The following CMSS1 variants were observed in gnomAD, a reference collection of about 807,000 sequenced individuals.
CMSS1 encodes the protein protein CMSS1.
CMSS1 carries 33 observed loss-of-function variants against 43.5 expected under a neutral mutation model. The observed-to-expected ratio is 0.76, with a 90% confidence interval of 0.57 to 1.01. CMSS1 has a LOEUF of 1.01. Ranked by LOEUF, CMSS1 falls within the 50% of genes least tolerant of loss-of-function variation. The pLI is 0.00. For missense variants in CMSS1, 313 were observed against 326.4 expected (o/e 0.96, Z 0.32); for synonymous variants, 115 against 117.2 (o/e 0.98, Z 0.12).
intron 1 of CMSS1, among the ~76,000 whole-genome samples, chr3:99,891,846 G>T (rs1449123781): frequency 6.6e-6 from 1 of 152,050 alleles, no homozygotes; most frequent in Admixed American, 6.5e-5. Context: ...TCCAAGATAA[G>T]GTCCAACTAT....
At chr3:99,974,566 G>A (rs13074023) in intron 1 of CMSS1, among the ~76,000 whole-genome samples, 10 of 152,172 alleles carry the variant, frequency 6.6e-5, no homozygotes, top group East Asian at 3.9e-4. Context: ...AAAATTAGCC[G>A]GGTGGTGGTG....
intron 1 of CMSS1, among the ~76,000 whole-genome samples, chr3:99,997,853 T>C (rs2107153816): frequency 6.6e-6 from 1 of 152,362 alleles, no homozygotes; most frequent in South Asian, 2.1e-4. Context: ...ATGCTCTTAT[T>C]ACACAAACCT....
At chr3:99,983,389 A>AATAAATATATATATATAT (rs1302972402) in intron 1 of CMSS1, among the ~76,000 whole-genome samples, 1 of 40,784 alleles carries the variant, frequency 2.5e-5, no homozygotes, top group African/African-American at 1.0e-4. Context: ...TAAATAAATA[A>AATAAATATATATATATAT]ATATATATAT....
chr3:99,881,695 G>A (rs1410677978), intron 1 of CMSS1, among the ~76,000 whole-genome samples: 1 of 152,098 alleles, frequency 6.6e-6, no homozygotes. Context: ...ACCACGCCTG[G>A]CTAATTTTTG....
At chr3:100,027,069 C>T (rs1262214710) in intron 1 of CMSS1, among the ~76,000 whole-genome samples, 3 of 152,122 alleles carry the variant, frequency 2.0e-5, no homozygotes, top group Non-Finnish European at 4.4e-5. Context: ...CCCCTGCATC[C>T]CTTTGCTTAA....
At chr3:99,897,394 T>C (rs1173280357) in intron 1 of CMSS1, among the ~76,000 whole-genome samples, 1 of 152,024 alleles carries the variant, frequency 6.6e-6, no homozygotes, top group African/African-American at 2.4e-5. Context: ...TTGGCTTACT[T>C]GTTCTATACC....
At chr3:100,014,891 C>CTTTTTTTTTT (rs1710284139) in intron 1 of CMSS1, among the ~76,000 whole-genome samples, 1 of 27,228 alleles carries the variant, frequency 3.7e-5, no homozygotes, top group Non-Finnish European at 6.9e-5. Flanking sequence ...TTTTTTCTTT[C>CTTTTTTTTTT]TTTCTTTTTT....
At chr3:100,042,228 G>A (rs2065216951) in intron 1 of CMSS1, among the ~76,000 whole-genome samples, 1 of 152,174 alleles carries the variant, frequency 6.6e-6, no homozygotes, top group Non-Finnish European at 1.5e-5. Flanking sequence ...CCACAAGCTT[G>A]TAAGATTCCT....
intron 1 of CMSS1, among the ~76,000 whole-genome samples, chr3:99,926,080 A>G (rs1418049668): frequency 2.0e-5 from 3 of 152,238 alleles, no homozygotes; most frequent in African/African-American, 7.2e-5. Flanking sequence ...GTCATAAAAG[A>G]TTTAGAATGT....
intron 1 of CMSS1, among the ~76,000 whole-genome samples, chr3:99,903,400 T>TGA (rs1706504715): frequency 6.6e-6 from 1 of 151,764 alleles, no homozygotes; most frequent in Admixed American, 6.6e-5. Flanking sequence ...TACAGGCGCC[T>TGA]GCCACCACAC....
rs556823181 is a variant in CMSS1, at chr3:100,015,918, T to G, written c.65-131055T>G. 2.0e-5 allele frequency among the ~76,000 whole-genome samples: 3 copies of G among 152,234 alleles called. No homozygotes were observed. The South Asian group carries it at 6.2e-4, about 32-fold the overall frequency. ...AAATTGTTGCTCAAAAATTGTTTTTTTAAAAACCTGATCCATGCTAATCAA... is the reference window on the plus strand; with the variant it reads ...AAATTGTTGCTCAAAAATTGTTTTTGTAAAAACCTGATCCATGCTAATCAA... On this transcript the variant is annotated intron_variant, in intron 1 of 9. Coordinates refer to ENST00000421999, the MANE Select transcript of CMSS1 (RefSeq NM_032359.4).
At chr3:99,944,630 A>G (rs138953621) in intron 1 of CMSS1, among the ~76,000 whole-genome samples, 1 of 152,364 alleles carries the variant, frequency 6.6e-6, no homozygotes, top group African/African-American at 2.4e-5. Context: ...AATCTGCCCC[A>G]AGCCACAGAA....
chr3:100,074,797 G>A (rs1002558079), intron 1 of CMSS1, among the ~76,000 whole-genome samples: 8 of 144,312 alleles, frequency 5.5e-5, no homozygotes, highest in East Asian at 2.1e-4. Flanking sequence ...GGGTTCAAGC[G>A]ATTCTCTTAC....
chr3:99,959,836 A>C (rs575021112), intron 1 of CMSS1, among the ~76,000 whole-genome samples: 28 of 152,290 alleles, frequency 1.8e-4, no homozygotes, highest in Non-Finnish European at 2.8e-4. Flanking sequence ...CCCAACAGTA[A>C]GATTATGAGC....
intron 1 of CMSS1, among the ~76,000 whole-genome samples, chr3:100,083,711 A>T (rs2065965181): frequency 1.3e-5 from 2 of 152,082 alleles, no homozygotes; most frequent in Admixed American, 6.5e-5. Context: ...TCAACTTCAT[A>T]AAAAAAATTT....
At chr3:100,115,803 A>G (rs1246504654) in intron 1 of CMSS1, among the ~76,000 whole-genome samples, 3 of 152,202 alleles carry the variant, frequency 2.0e-5, no homozygotes. Flanking sequence ...TCTAATCCAT[A>G]GATCCCATTC....
Position 100,158,608 on chromosome 3 carries a change from C to A in CMSS1, c.154-1822C>A, listed in dbSNP as rs527659087. Among the ~76,000 whole-genome samples, 7 of 152,304 alleles carry A rather than the reference C, an allele frequency of 4.6e-5. No homozygotes were observed. In the East Asian group the frequency reaches 1.2e-3, roughly 25 times the overall value. On this transcript the variant is annotated intron_variant, in intron 2 of 9. Transcript: ENST00000421999. Reference sequence around the variant, plus strand: ...CACAGCCAGCTAAAGTAACTAGTCTCCAAAACCAAAGATTATTTTGCATTT... The same window carrying A: ...CACAGCCAGCTAAAGTAACTAGTCTACAAAACCAAAGATTATTTTGCATTT...
At chr3:99,995,010 C>T (rs1462323812) in intron 1 of CMSS1, among the ~76,000 whole-genome samples, 3 of 152,132 alleles carry the variant, frequency 2.0e-5, no homozygotes, top group Non-Finnish European at 4.4e-5. Flanking sequence ...AATCTCATGT[C>T]CTCACATTTC....
intron 1 of CMSS1, among the ~76,000 whole-genome samples, chr3:99,878,237 T>C (rs1286563714): frequency 6.6e-6 from 1 of 152,208 alleles, no homozygotes; most frequent in East Asian, 1.9e-4. Flanking sequence ...GAACCAATAT[T>C]AATAGCCCTC....
Sources: gnomAD v4.1 joint callset for allele counts (sites outside exome capture counted in the v4.1 genomes callset) on GRCh38, gnomAD v4.1.1 for gene constraint, MANE v1.5 for transcripts, NCBI Gene and HGNC (gene_info 2026-07-23, HGNC 2026-07-21) for gene names.